RIMS1: variants seen among roughly 807,000 people sequenced by gnomAD.
RIMS1 encodes regulating synaptic membrane exocytosis 1.
Under a neutral mutation model 214.1 loss-of-function variants are expected in RIMS1, and 83 were observed. That is an observed-to-expected ratio of 0.39 (90% CI 0.32 to 0.47). The LOEUF (loss-of-function observed/expected upper bound fraction) is 0.47, where lower values mean the gene tolerates loss of function less well. Among genes scored for constraint, RIMS1 ranks in the 20% least tolerant of loss-of-function variants. The pLI is 0.99. For missense variants in RIMS1, 2,050 were observed against 2,161.8 expected, an observed-to-expected ratio of 0.95 and a Z score of 1.03; for synonymous variants, 793 against 786.8, an observed-to-expected ratio of 1.01 and a Z score of -0.13.
intron 2 of RIMS1, among the ~76,000 whole-genome samples, chr6:72,007,813 C>G (rs374891790): frequency 6.6e-6 from 1 of 152,004 alleles, no homozygotes; most frequent in Admixed American, 6.6e-5. Flanking sequence ...CCAAGAAATA[C>G]GGGACTATGT....
chr6:72,340,843 G>A (rs1594375367), intron 29 of RIMS1, among the ~76,000 whole-genome samples: 2 of 152,016 alleles, frequency 1.3e-5, no homozygotes, highest in South Asian at 2.1e-4. Flanking sequence ...GCTTGATGGG[G>A]ATGGCATTGA....
At chr6:71,971,062 C>T (rs150085680) in intron 2 of RIMS1, among the ~76,000 whole-genome samples, 42 of 151,840 alleles carry the variant, frequency 2.8e-4, no homozygotes, top group Non-Finnish European at 4.6e-4. Flanking sequence ...TATGAGTGCC[C>T]CCCAGGTTAG....
rs144000247 is a variant in RIMS1, at chr6:72,379,359, C to G, written c.4367-11239C>G. On this transcript the variant is annotated intron_variant, in intron 29 of 33. Coordinates refer to ENST00000521978, the MANE Select transcript of RIMS1 (RefSeq NM_014989.7). ...AGCTCCCACCATCATGTCCCCATGC[C>G]TTCAAGAGCAGAGGAGGGAAGGGAA... Among the ~76,000 whole-genome samples the G allele has an allele frequency of 1.5e-3, 232 of 152,340 alleles. 1 individual carries two copies. The highest frequency in any genetic ancestry group is 5.3e-3 in the African/African-American group (220 of 41,586).
At chr6:72,363,823 C>T (rs571496597) in intron 29 of RIMS1, among the ~76,000 whole-genome samples, 21 of 152,262 alleles carry the variant, frequency 1.4e-4, no homozygotes, top group Admixed American at 7.2e-4. Context: ...AGGGATAATT[C>T]GGGTATTAAA....
At chr6:72,311,590 A>G (rs946959653) in intron 27 of RIMS1, among the ~76,000 whole-genome samples, 1 of 152,226 alleles carries the variant, frequency 6.6e-6, no homozygotes, top group Non-Finnish European at 1.5e-5. Flanking sequence ...TTTGAGAGAT[A>G]AATCACACAA....
chr6:71,935,397 T>G (rs1452216765), intron 1 of RIMS1, among the ~76,000 whole-genome samples: 1 of 152,234 alleles, frequency 6.6e-6, no homozygotes, highest in Admixed American at 6.5e-5. Flanking sequence ...ATGAAGAATT[T>G]TTCTGATGCC....
chr6:72,259,826 C>T (rs1393253018), intron 18 of RIMS1, among the ~76,000 whole-genome samples: 1 of 152,066 alleles, frequency 6.6e-6, no homozygotes, highest in East Asian at 1.9e-4. Context: ...TTTTATAATA[C>T]CCACCTTGTT....
intron 29 of RIMS1, among the ~76,000 whole-genome samples, chr6:72,342,940 T>C (rs1350729880): frequency 6.6e-6 from 1 of 151,750 alleles, no homozygotes; most frequent in Non-Finnish European, 1.5e-5. Flanking sequence ...GGCTGCTTGA[T>C]CTTCTCAGTG....
intron 2 of RIMS1, among the ~76,000 whole-genome samples, chr6:72,051,550 C>G (rs912085674): frequency 6.6e-6 from 1 of 152,086 alleles, no homozygotes; most frequent in Non-Finnish European, 1.5e-5. Context: ...AATGCCTAGT[C>G]GTGGCTTGTG....
At chr6:72,074,506 A>G (rs1036984084) in intron 2 of RIMS1, among the ~76,000 whole-genome samples, 2 of 152,006 alleles carry the variant, frequency 1.3e-5, no homozygotes, top group South Asian at 2.1e-4. Flanking sequence ...TCTACAAAAT[A>G]TACAAAAAAT....
chr6:72,373,872 T>C (rs1011855860), intron 29 of RIMS1, among the ~76,000 whole-genome samples: 2 of 152,162 alleles, frequency 1.3e-5, no homozygotes, highest in Non-Finnish European at 2.9e-5. Flanking sequence ...TTTTAAAAGA[T>C]GAGTAGTGAG....
intron 28 of RIMS1, among the ~76,000 whole-genome samples, chr6:72,321,462 G>A (rs1243375789): frequency 1.3e-5 from 2 of 152,020 alleles, no homozygotes; most frequent in Non-Finnish European, 2.9e-5. Context: ...CTGGTTACTT[G>A]TAAAACAACA....
intron 29 of RIMS1, among the ~76,000 whole-genome samples, chr6:72,353,205 G>A (rs1196122722): frequency 1.3e-5 from 2 of 151,704 alleles, no homozygotes; most frequent in Admixed American, 6.6e-5. Flanking sequence ...GGCTGGTCTC[G>A]AACTCCTGAC....
chr6:72,058,731 C>T (rs141901204), intron 2 of RIMS1, among the ~76,000 whole-genome samples: 106 of 152,164 alleles, frequency 7.0e-4, no homozygotes, highest in Non-Finnish European at 1.3e-3. Context: ...TATTTCTTGC[C>T]GAGGACATCC....
chr6:71,895,569 G>A (rs1331772312), intron 1 of RIMS1, among the ~76,000 whole-genome samples: 1 of 151,326 alleles, frequency 6.6e-6, no homozygotes, highest in African/African-American at 2.4e-5. Context: ...AGCTACTTGG[G>A]AGGCTGAGGC....
Position 71,967,088 on chromosome 6 carries a change from T to C in RIMS1, c.165-1895T>C, listed in dbSNP as rs557564698. ...CCAGATATTTTCACAAATCAGTGCA[T>C]GTAGATTAAAAATGCTGCGGCCAGG... On this transcript the variant is annotated intron_variant, in intron 1 of 33. Transcript: ENST00000521978. 3.9e-5 allele frequency among the ~76,000 whole-genome samples: 6 copies of C among 152,314 alleles called. No homozygotes were observed. In the East Asian group the frequency reaches 1.2e-3, roughly 29 times the overall value.
At chr6:72,050,573 T>C (rs1437748884) in intron 2 of RIMS1, among the ~76,000 whole-genome samples, 1 of 152,118 alleles carries the variant, frequency 6.6e-6, no homozygotes, top group Admixed American at 6.5e-5. Flanking sequence ...TGAGTGTGTC[T>C]TCTCTCCTCA....
At chr6:72,301,833 G>T (rs2094635630) in intron 26 of RIMS1, among the ~76,000 whole-genome samples, 1 of 151,470 alleles carries the variant, frequency 6.6e-6, no homozygotes, top group South Asian at 2.1e-4. Context: ...AATCAATCCT[G>T]AACAGATGTT....
intron 6 of RIMS1, among the ~76,000 whole-genome samples, chr6:72,222,985 C>T (rs1381852039): frequency 6.6e-6 from 1 of 152,152 alleles, no homozygotes; most frequent in African/African-American, 2.4e-5. Context: ...GTTTAGGTTT[C>T]CCTGCCCACT....
Sources: allele counts gnomAD v4.1 joint callset (sites outside exome capture counted in the v4.1 genomes callset), GRCh38; gene constraint gnomAD v4.1.1; transcripts MANE v1.5; gene names NCBI Gene and HGNC (gene_info 2026-07-23, HGNC 2026-07-21).